Variants in GALNTL6 observed in about 807,000 individuals in gnomAD.
GALNTL6 encodes the protein polypeptide N-acetylgalactosaminyltransferase like 6, also known as polypeptide N-acetylgalactosaminyltransferase-like 6.
In GALNTL6, 46 loss-of-function variants were observed where a neutral mutation model predicts 73.7. The ratio of observed to expected loss-of-function variants is 0.62; its 90% CI spans 0.49 to 0.80. The LOEUF is 0.80. GALNTL6 is among the 30% of genes least tolerant of loss of function. GALNTL6 has a pLI of 0.00. For synonymous variants in GALNTL6, 259 were observed against 263.7 expected (o/e 0.98, Z 0.17); for missense variants, 604 against 755.0 (o/e 0.80, Z 2.34).
chr4:173,016,762 G>A (rs1431321402), intron 11 of GALNTL6, among the ~76,000 whole-genome samples: 1 of 152,186 alleles, frequency 6.6e-6, no homozygotes, highest in East Asian at 1.9e-4. Flanking sequence ...GACTTTGGGG[G>A]ACTATTGGAA....
intron 8 of GALNTL6, among the ~76,000 whole-genome samples, chr4:172,922,797 A>G (rs1747860514): frequency 6.6e-6 from 1 of 152,264 alleles, no homozygotes; most frequent in Admixed American, 6.5e-5. Flanking sequence ...AGTGAAAAAG[A>G]AAGTCATGGA....
At chr4:172,528,383 A>G (rs996910157) in intron 5 of GALNTL6, among the ~76,000 whole-genome samples, 23 of 142,882 alleles carry the variant, frequency 1.6e-4, no homozygotes, top group Non-Finnish European at 3.5e-4. Context: ...TTTTAGATAG[A>G]GCCTTGCTCT....
At chr4:171,904,913 G>A (rs1737225547) in intron 2 of GALNTL6, among the ~76,000 whole-genome samples, 1 of 152,028 alleles carries the variant, frequency 6.6e-6, no homozygotes, top group African/African-American at 2.4e-5. Flanking sequence ...AAGTGAAGGA[G>A]AAATAAAATA....
chr4:171,839,266 T>C (rs1735181780), intron 2 of GALNTL6, among the ~76,000 whole-genome samples: 1 of 152,130 alleles, frequency 6.6e-6, no homozygotes, highest in African/African-American at 2.4e-5. Context: ...GAATTCATAC[T>C]TCAGTGAATT....
chr4:172,311,728 C>G lies in GALNTL6; in HGVS notation c.362C>G (p.Ser121Cys). Residue 121 changes from serine (S) to cysteine (C), a missense_variant, in exon 4 of 13, where the codon TCT becomes TGT. Transcript: ENST00000506823. The stretch of plus-strand genomic sequence containing the variant: ...AGCAACAATATTGCTCTAGAGAGGT[C>G]TCTGCCAGATATTCGTCATGCTAAG... The part of the protein sequence containing the change: ...FVSNNIALER[S>C]LPDIRHANCK... 6.3e-7 allele frequency: 1 copy of G among 1,597,778 alleles called. No individual in the cohort carries two copies. Among genetic ancestry groups the G allele is most frequent in the Non-Finnish European group, 8.5e-7 (1 of 1,170,098 alleles).
intron 10 of GALNTL6, among the ~76,000 whole-genome samples, chr4:173,002,559 C>T (rs557431732): frequency 6.6e-6 from 1 of 151,644 alleles, no homozygotes; most frequent in South Asian, 2.1e-4. Context: ...CTTTGGGAGG[C>T]CAAGGTGGGT....
chr4:171,843,012 C>T (rs1028892896), intron 2 of GALNTL6, among the ~76,000 whole-genome samples: 7 of 152,162 alleles, frequency 4.6e-5, no homozygotes, highest in Non-Finnish European at 1.0e-4. Flanking sequence ...TTGGTAACAA[C>T]ATCCTAGTTA....
chr4:172,829,195 C>T (rs1201543606), intron 7 of GALNTL6, among the ~76,000 whole-genome samples: 6 of 152,140 alleles, frequency 3.9e-5, no homozygotes, highest in Non-Finnish European at 2.9e-5. Flanking sequence ...CTCTTCGGAG[C>T]GCAAAACACA....
chr4:173,016,645 A>G (rs905241637), intron 11 of GALNTL6, among the ~76,000 whole-genome samples: 5 of 152,238 alleles, frequency 3.3e-5, no homozygotes, highest in Admixed American at 6.5e-5. Flanking sequence ...GTATCTAGGA[A>G]TAACCAACTT....
chr4:172,822,284 C>A lies in GALNTL6; in HGVS notation c.923+8561C>A, dbSNP rs190339676. On this transcript the variant is annotated intron_variant, in intron 7 of 12. Transcript: ENST00000506823. ...GAGATCTCATCTTTCTGGTTCCTGA[C>A]CATGTATCCAGCTTCTTGAACCACT... Among the ~76,000 whole-genome samples, 6 of 152,232 alleles carry A rather than the reference C, an allele frequency of 3.9e-5. No individual in the cohort carries two copies. The East Asian group carries it at 1.2e-3, about 29-fold the overall frequency.
intron 2 of GALNTL6, among the ~76,000 whole-genome samples, chr4:172,170,264 G>T (rs1734768481): frequency 6.6e-6 from 1 of 152,170 alleles, no homozygotes; most frequent in Non-Finnish European, 1.5e-5. Flanking sequence ...CATGGGGGCA[G>T]TTTCCCCATG....
In GALNTL6 at chr4:172,337,697, TTTG is replaced by T. The variant is rs1253480017; in HGVS notation, c.387-10823_387-10821del. ...TTTACTCTACCCGTCTTTAAGGTTTTTTGTTTTTTTTTTTCTAGTGTTGACCTT... is the reference window on the plus strand; with the variant it reads ...TTTACTCTACCCGTCTTTAAGGTTTTTTTTTTTTTTTCTAGTGTTGACCTT... On this transcript the variant is annotated intron_variant, in intron 4 of 12. Coordinates refer to ENST00000506823, the MANE Select transcript of GALNTL6 (RefSeq NM_001034845.3). Among the ~76,000 whole-genome samples the T allele has an allele frequency of 1.2e-3, 117 of 94,552 alleles. 3 individuals are homozygous for T. In the South Asian group the frequency reaches 0.032, roughly 26 times the overall value. 62.0% of individuals were successfully genotyped at this position (94,552 alleles called of 152,430 possible).
chr4:172,120,604 A>C (rs1733121422), intron 2 of GALNTL6, among the ~76,000 whole-genome samples: 1 of 151,920 alleles, frequency 6.6e-6, no homozygotes, highest in South Asian at 2.1e-4. Flanking sequence ...TAGGACATGG[A>C]TATTTTTGGG....
intron 2 of GALNTL6, among the ~76,000 whole-genome samples, chr4:172,130,934 G>A (rs115372895): frequency 0.02 from 3,096 of 152,080 alleles, 101 homozygotes; most frequent in African/African-American, 0.069. Flanking sequence ...GTATTTCTAT[G>A]CACCCTCTAT....
At chr4:171,819,563 G>C (rs1734629044) in intron 2 of GALNTL6, among the ~76,000 whole-genome samples, 1 of 152,134 alleles carries the variant, frequency 6.6e-6, no homozygotes, top group Non-Finnish European at 1.5e-5. Flanking sequence ...AAACGGTGTA[G>C]AAGAAAGGAT....
intron 10 of GALNTL6, among the ~76,000 whole-genome samples, chr4:172,983,633 T>C (rs1189624417): frequency 1.3e-5 from 2 of 152,168 alleles, no homozygotes; most frequent in African/African-American, 4.8e-5. Context: ...AGGCAGAGGT[T>C]GCAGTGAGTC....
rs142246728 is a variant in GALNTL6, at chr4:172,196,114, T to C, written c.139-33542T>C. Reference sequence around the variant, plus strand: ...ACACAATAAAATGTGATAAAGGGGATATCACCACTGACCCCACAGAAATAC... The same window carrying C: ...ACACAATAAAATGTGATAAAGGGGACATCACCACTGACCCCACAGAAATAC... On this transcript the variant is annotated intron_variant, in intron 2 of 12. Coordinates refer to ENST00000506823, the MANE Select transcript of GALNTL6 (RefSeq NM_001034845.3). 9.1e-3 allele frequency among the ~76,000 whole-genome samples: 1,331 copies of C among 147,026 alleles called. 23 individuals are homozygous for C. Among genetic ancestry groups the C allele is most frequent in the African/African-American group, 0.032 (1,270 of 39,908 alleles).
At chr4:173,021,782 T>A (rs541124714) in intron 12 of GALNTL6, among the ~76,000 whole-genome samples, 157 bp downstream of exon 12, 2 of 151,902 alleles carry the variant, frequency 1.3e-5, no homozygotes, top group East Asian at 3.9e-4. Flanking sequence ...TCACCTGAGG[T>A]TGGAGTTTGA....
In GALNTL6 at chr4:172,350,104, A is replaced by G. The variant is rs906071166; in HGVS notation, c.553+1415A>G. Reference sequence around the variant, plus strand: ...ATGTGTTAATAAAACGTTGACTTCAAAAAGTGAAAAAGGTGATAAAGATCT... The same window carrying G: ...ATGTGTTAATAAAACGTTGACTTCAGAAAGTGAAAAAGGTGATAAAGATCT... On this transcript the variant is annotated intron_variant, in intron 5 of 12. Coordinates refer to ENST00000506823, the MANE Select transcript of GALNTL6 (RefSeq NM_001034845.3). 4.6e-5 allele frequency among the ~76,000 whole-genome samples: 7 copies of G among 152,132 alleles called. No individual in the cohort carries two copies. In the South Asian group the frequency reaches 1.4e-3, roughly 31 times the overall value.
Sources: gnomAD v4.1 joint callset for allele counts (sites outside exome capture counted in the v4.1 genomes callset) on GRCh38, gnomAD v4.1.1 for gene constraint, MANE v1.5 for transcripts, NCBI Gene and HGNC (gene_info 2026-07-23, HGNC 2026-07-21) for gene names.